Variants in TIMM50 observed in about 807,000 individuals in gnomAD.
TIMM50 encodes mitochondrial import inner membrane translocase subunit TIM50.
Under a neutral mutation model 49.6 loss-of-function variants are expected in TIMM50, and 34 were observed. That is an observed-to-expected ratio of 0.69 (90% CI 0.52 to 0.91). The LOEUF is 0.91. Ranked by LOEUF, TIMM50 falls within the 40% of genes least tolerant of loss-of-function variation. The pLI, the probability that TIMM50 is intolerant of heterozygous loss-of-function variation, is 0.00. For missense variants in TIMM50, 458 were observed against 477.8 expected (o/e 0.96, Z 0.39); for synonymous variants, 199 against 198.4 (o/e 1.00, Z -0.03).
rs8112528 is a variant in TIMM50 at position 39,486,533 on chromosome 19, G to A, written c.696+38G>A. ...CATGGGTGGGCCTCTGGGATTTGGC[G>A]GAGTTGGCACCACCTGAGGGAAGGA... On this transcript the variant is annotated intron_variant, in intron 8 of 10. Transcript: ENST00000607714. 309,417 of 1,588,398 alleles carry A rather than the reference G, an allele frequency of 0.19. 31,156 individuals carry two copies. The highest frequency in any genetic ancestry group is 0.28 in the Middle Eastern group (1,674 of 6,000).
rs1284293418 is a variant in TIMM50 at position 39,491,827 on chromosome 19, A to C, written c.*2007A>C. On this transcript the variant is annotated 3_prime_UTR_variant, in exon 11 of 11. Transcript: ENST00000607714. ...GGGCAACAGAGCGAGACCCTGTCTC[A>C]AAAAAAAAAAAAAAAAAAAAAAAAC... The C allele has an allele frequency of 9.4e-5, 2 of 21,290 alleles. No individual in the cohort carries two copies. The highest frequency in any genetic ancestry group is 3.7e-4 in the Admixed American group (1 of 2,704). 1.3% of individuals were successfully genotyped at this position (21,290 alleles called of 1,614,324 possible). A position where few individuals can be genotyped will look rare whatever the true frequency, so the allele number is the denominator to read the frequency against.
In TIMM50 at chr19:39,484,360, C is replaced by T. The variant is rs541105600; in HGVS notation, c.314-1184C>T. Among the ~76,000 whole-genome samples the T allele has an allele frequency of 5.3e-4, 80 of 151,890 alleles. 1 individual carries two copies. The highest frequency in any genetic ancestry group is 1.8e-3 in the African/African-American group (76 of 41,402). On this transcript the variant is annotated intron_variant, in intron 4 of 10. Transcript: ENST00000607714. ...TACAGGCTGCAGTGAGCTGTGATCC[C>T]GCCACTGCACTCTAGCCTGGATGAC...
Position 39,489,975 on chromosome 19 carries a change from G to A in TIMM50, c.*155G>A, listed in dbSNP as rs2079534282. On this transcript the variant is annotated 3_prime_UTR_variant, in exon 11 of 11. Coordinates refer to ENST00000607714, the MANE Select transcript of TIMM50 (RefSeq NM_001001563.5). ...ATGGGGGCATCAGGGTGAGGTCCGG[G>A]ACTCTTGGGTCATCGTCCCACAGTG... 5.6e-6 allele frequency: 4 copies of A among 712,934 alleles called. No individual in the cohort carries two copies. The East Asian group carries it at 8.2e-5, about 15-fold the overall frequency. 44.2% of individuals were successfully genotyped at this position (712,934 alleles called of 1,614,324 possible).
chr19:39,488,104 T>C lies in TIMM50; in HGVS notation c.740T>C (p.Val247Ala), dbSNP rs1370968509. The C allele has an allele frequency of 6.2e-7, 1 of 1,613,634 alleles. No individual in the cohort carries two copies. The change falls in exon 9 of 11, where the codon GTG becomes GCG. Residue 247 changes from valine (V) to alanine (A), a missense_variant. By Grantham distance (64) the Val-to-Ala change is moderately conservative (BLOSUM62 0). Transcript: ENST00000607714. ...CGGGACCCAGCTCGAGTAGTAGTTG[T>C]GGACTGCAAGAAGGAAGCCTTCCGC... is the stretch of plus-strand genomic sequence containing the variant. ...LNRDPARVVV[V>A]DCKKEAFRLQ...
At chr19:39,481,055 C>T (rs1452004694) in intron 1 of TIMM50, 94 bp downstream of exon 1, 5 of 1,399,898 alleles carry the variant, frequency 3.6e-6, no homozygotes, top group Non-Finnish European at 4.7e-6. Context: ...GACGCCTCAC[C>T]TCAGGGTGCT....
At chr19:39,482,125 C>T (rs1192259394) in intron 2 of TIMM50, 92 bp downstream of exon 2, 33 of 1,502,458 alleles carry the variant, frequency 2.2e-5, no homozygotes, top group Middle Eastern at 3.5e-4. Flanking sequence ...CAGCTTCTCT[C>T]GTCTTCATTC....
At chr19:39,486,002 C>T (rs548858084) in intron 6 of TIMM50, 185 bp from the exon 7 acceptor site, 45 of 1,108,548 alleles carry the variant, frequency 4.1e-5, no homozygotes, top group South Asian at 7.0e-5. Context: ...TGCCCAGGCA[C>T]GCTATAAGTG....
At position 39,492,320 on chromosome 19, in the gene TIMM50, G is replaced by GGCGGC. The variant is rs1555752448; in HGVS notation, c.*2501_*2502insCGGCG. 1.5e-3 allele frequency: 229 copies of GGCGGC among 150,662 alleles called. No individual in the cohort carries two copies. Among genetic ancestry groups the GGCGGC allele is most frequent in the African/African-American group, 5.3e-3 (215 of 40,934 alleles). 9.3% of individuals were successfully genotyped at this position (150,662 alleles called of 1,614,324 possible). On this transcript the variant is annotated 3_prime_UTR_variant, in exon 11 of 11. Transcript: ENST00000607714. ...CATGGGAAGAGCCTGTCTCTTGCGG[G>GGCGGC]GGGGGGAGAAGAAAGTTCTTGTCTC... is the stretch of plus-strand genomic sequence containing the variant.
intron 9 of TIMM50, 87 bp downstream of exon 9, chr19:39,488,304 C>T (rs1056366640): frequency 1.3e-5 from 20 of 1,489,418 alleles, no homozygotes; most frequent in African/African-American, 2.8e-5. Flanking sequence ...CATGGCTGGG[C>T]GACTGAGGTG....
At chr19:39,482,749 C>A in intron 2 of TIMM50, 136 bp from the exon 3 acceptor site, 1 of 1,159,772 alleles carries the variant, frequency 8.6e-7, no homozygotes, top group Non-Finnish European at 1.2e-6. Flanking sequence ...TCCCAGCCCC[C>A]TCCTGGCTTG....
rs990055415 is a variant in TIMM50 at position 39,491,512 on chromosome 19, G to A, written c.*1692G>A. ...CTTGAAATGTGGCTAGTGTGACTGAGAAACTGAATTTTTAATTTTGTTTGA... is the reference window on the plus strand; with the variant it reads ...CTTGAAATGTGGCTAGTGTGACTGAAAAACTGAATTTTTAATTTTGTTTGA... On this transcript the variant is annotated 3_prime_UTR_variant, in exon 11 of 11. Coordinates refer to ENST00000607714, the MANE Select transcript of TIMM50 (RefSeq NM_001001563.5). The A allele has an allele frequency of 7.3e-5, 11 of 151,480 alleles. No homozygotes were observed. Among genetic ancestry groups the A allele is most frequent in the African/African-American group, 2.7e-4 (11 of 41,268 alleles). 9.4% of individuals were successfully genotyped at this position (151,480 alleles called of 1,614,324 possible). A position where few individuals can be genotyped will look rare whatever the true frequency, so the allele number is the denominator to read the frequency against.
In TIMM50 at chr19:39,493,431, C is replaced by T. The variant is rs949134112; in HGVS notation, c.*3611C>T. On this transcript the variant is annotated 3_prime_UTR_variant, in exon 11 of 11. Transcript: ENST00000607714. Reference sequence around the variant, plus strand: ...TCAGGCCTCTGAGCCCAAGCCAAGCCATCGCATCCCCTGTGCCTTGCACAT... The same window carrying T: ...TCAGGCCTCTGAGCCCAAGCCAAGCTATCGCATCCCCTGTGCCTTGCACAT... 6.6e-6 allele frequency: 1 copy of T among 152,142 alleles called. No homozygotes were observed. Among genetic ancestry groups the T allele is most frequent in the African/African-American group, 2.4e-5 (1 of 41,410 alleles). The allele number at this position is 152,142 out of a possible 1,614,324, so 9.4% of individuals were successfully genotyped here. A position where few individuals can be genotyped will look rare whatever the true frequency, so the allele number is the denominator to read the frequency against.
intron 1 of TIMM50, 26 bp from the exon 2 acceptor site, chr19:39,481,857 G>T: frequency 6.2e-7 from 1 of 1,605,272 alleles, no homozygotes. Context: ...TTCTCTCTTG[G>T]CTGACCTCCC....
chr19:39,488,676 C>A lies in TIMM50; in HGVS notation c.960+31C>A. 3 of 1,582,224 alleles carry A rather than the reference C, an allele frequency of 1.9e-6. No individual in the cohort carries two copies. The South Asian group carries it at 3.3e-5, about 18-fold the overall frequency. On this transcript the variant is annotated intron_variant, in intron 10 of 10. Coordinates refer to ENST00000607714, the MANE Select transcript of TIMM50 (RefSeq NM_001001563.5). ...TGCTCAGATGCCCAGAGTGGAGGAT[C>A]GGCTCTGAGGCTCCTGAAGGAGGAG...
chr19:39,488,539 C>T lies in TIMM50; in HGVS notation c.854C>T (p.Thr285Ile), dbSNP rs1410102719. Residue 285 changes from threonine (T) to isoleucine (I), a missense_variant and splice_region_variant, in exon 10 of 11, where the codon ACC becomes ATC. By Grantham distance (89) the Thr-to-Ile change is moderately conservative. Coordinates refer to ENST00000607714, the MANE Select transcript of TIMM50 (RefSeq NM_001001563.5). Reference protein sequence around the residue: ...VLLDLSAFLKTIALNGVEDVR... With the variant: ...VLLDLSAFLKIIALNGVEDVR... ...TGACCACCCCCTGTTGTGCCCACAG[C>T]CATTGCACTGAATGGTGTGGAGGAC... 1.2e-6 allele frequency: 2 copies of T among 1,612,360 alleles called. No individual in the cohort carries two copies. The highest frequency in any genetic ancestry group is 1.3e-5 in the African/African-American group (1 of 74,886).
At chr19:39,488,329 G>C (rs1164511662) in intron 9 of TIMM50, 112 bp downstream of exon 9, 14 of 1,325,804 alleles carry the variant, frequency 1.1e-5, no homozygotes, top group African/African-American at 1.5e-5. Context: ...AGGTGCCTGA[G>C]CACCTTGGAG....
chr19:39,486,556 G>A (rs2079509053), intron 8 of TIMM50, 61 bp downstream of exon 8: 1 of 1,465,618 alleles, frequency 6.8e-7, no homozygotes, highest in South Asian at 1.1e-5. Context: ...CCTGAGGGAA[G>A]GAGGGCCCAG....
chr19:39,486,131 G>A, intron 6 of TIMM50, 56 bp from the exon 7 acceptor site: 1 of 1,536,956 alleles, frequency 6.5e-7, no homozygotes, highest in Non-Finnish European at 9.0e-7. Flanking sequence ...TTGTCCTCTT[G>A]GGGACTCTGA....
Position 39,490,023 on chromosome 19 carries a change from T to TG in TIMM50, c.*208dup, listed in dbSNP as rs2079534789. 23 of 585,630 alleles carry TG rather than the reference T, an allele frequency of 3.9e-5. No individual in the cohort carries two copies. The South Asian group carries it at 5.0e-4, about 13-fold the overall frequency. 36.3% of individuals were successfully genotyped at this position (585,630 alleles called of 1,614,324 possible). On this transcript the variant is annotated 3_prime_UTR_variant, in exon 11 of 11. Coordinates refer to ENST00000607714, the MANE Select transcript of TIMM50 (RefSeq NM_001001563.5). ...GTGGCTGATCGGCTGCCAAGCACAG[T>TG]GGGGGTGCTTTGTTGGATCAGAGCA...
Sources: allele counts gnomAD v4.1 joint callset (sites outside exome capture counted in the v4.1 genomes callset), GRCh38; gene constraint gnomAD v4.1.1; transcripts MANE v1.5; gene names NCBI Gene and HGNC (gene_info 2026-07-23, HGNC 2026-07-21).